Variants in UBE3D observed in about 807,000 individuals in gnomAD.
UBE3D encodes ubiquitin protein ligase E3D.
In UBE3D, 48 loss-of-function variants were observed where a neutral mutation model predicts 49.6. The ratio of observed to expected loss-of-function variants is 0.97; its 90% confidence interval spans 0.77 to 1.23. The LOEUF (loss-of-function observed/expected upper bound fraction) is 1.23, where lower values mean the gene tolerates loss of function less well. UBE3D is among the 50% of genes most tolerant of loss of function. The pLI, the probability that UBE3D is intolerant of heterozygous loss-of-function variation, is 0.00. For missense variants in UBE3D, 452 were observed against 468.4 expected (o/e 0.96, Z 0.32); for synonymous variants, 189 against 174.2 (o/e 1.08, Z -0.67).
chr6:82,901,137 G>A (rs558799153), intron 9 of UBE3D, among the ~76,000 whole-genome samples: 8 of 152,156 alleles, frequency 5.3e-5, no homozygotes, highest in African/African-American at 1.4e-4. Flanking sequence ...GGACAATTCC[G>A]TATAGCTGTT....
chr6:82,917,615 T>C (rs930781872), intron 9 of UBE3D, among the ~76,000 whole-genome samples: 2 of 152,202 alleles, frequency 1.3e-5, no homozygotes, highest in African/African-American at 2.4e-5. Flanking sequence ...GAAGGATTCA[T>C]ATCCAACACT....
At chr6:83,049,413 A>G (rs1783307409) in intron 3 of UBE3D, among the ~76,000 whole-genome samples, 1 of 152,230 alleles carries the variant, frequency 6.6e-6, no homozygotes, top group Non-Finnish European at 1.5e-5. Flanking sequence ...CTTTAATATT[A>G]TTACGTACAT....
At chr6:82,965,172 G>C (rs1776822186) in intron 8 of UBE3D, among the ~76,000 whole-genome samples, 1 of 152,134 alleles carries the variant, frequency 6.6e-6, no homozygotes, top group Admixed American at 6.6e-5. Context: ...ATACCAATAA[G>C]GCAGTCTCAA....
intron 9 of UBE3D, among the ~76,000 whole-genome samples, chr6:82,899,228 A>G (rs1463990323): frequency 2.6e-5 from 4 of 152,134 alleles, no homozygotes; most frequent in African/African-American, 9.7e-5. Context: ...ACCAAACAAA[A>G]CACCAAAAAT....
At chr6:83,002,780 G>T (rs1779723490) in intron 8 of UBE3D, among the ~76,000 whole-genome samples, 1 of 152,212 alleles carries the variant, frequency 6.6e-6, no homozygotes, top group African/African-American at 2.4e-5. Flanking sequence ...GCACCATCTT[G>T]GAAGCAGACA....
intron 8 of UBE3D, among the ~76,000 whole-genome samples, chr6:82,962,115 AG>A (rs1455555768): frequency 6.6e-6 from 1 of 152,092 alleles, no homozygotes; most frequent in Non-Finnish European, 1.5e-5. Flanking sequence ...AAAAAAGATT[AG>A]GGGGCAATAC....
chr6:83,057,369 C>T (rs981021664), intron 2 of UBE3D, among the ~76,000 whole-genome samples: 1 of 74,622 alleles, frequency 1.3e-5, no homozygotes, highest in African/African-American at 5.1e-5. Context: ...TGAGAGCAGA[C>T]ACCTCCCCTA....
At chr6:82,909,603 C>T (rs988208520) in intron 9 of UBE3D, among the ~76,000 whole-genome samples, 1 of 152,158 alleles carries the variant, frequency 6.6e-6, no homozygotes, top group African/African-American at 2.4e-5. Flanking sequence ...TGCTTTCTTT[C>T]CCTTTGTGCA....
chr6:83,018,971 ACTTT>A lies in UBE3D; in HGVS notation c.1008_1010+1del, dbSNP rs1313654576. On this transcript the variant is annotated splice_donor_variant and coding_sequence_variant, in exon 8 of 10. Transcript: ENST00000369747. LOFTEE classifies it high-confidence loss of function. ...GAAAGAGAAAACAAATGCACAACTT[ACTTT>A]TCATTCCTGCTTTTGATGCATGGCT... 8.7e-6 allele frequency: 14 copies of A among 1,612,150 alleles called. No individual in the cohort carries two copies. The highest frequency in any genetic ancestry group is 1.2e-5 in the Non-Finnish European group (14 of 1,179,454).
chr6:83,059,075 A>C (rs1208965466), intron 1 of UBE3D, among the ~76,000 whole-genome samples: 1 of 152,160 alleles, frequency 6.6e-6, no homozygotes, highest in African/African-American at 2.4e-5. Context: ...TTTTTTAAAA[A>C]ACAACCCTTA....
intron 8 of UBE3D, among the ~76,000 whole-genome samples, chr6:82,957,713 T>C (rs906956018): frequency 6.6e-6 from 1 of 152,164 alleles, no homozygotes; most frequent in African/African-American, 2.4e-5. Flanking sequence ...CTTAGTTCTG[T>C]GGGACCTGCT....
chr6:83,048,902 T>G (rs560884302), intron 3 of UBE3D, among the ~76,000 whole-genome samples: 1 of 152,162 alleles, frequency 6.6e-6, no homozygotes, highest in African/African-American at 2.4e-5. Context: ...TTTTCAAGGT[T>G]AGTTTTTAGG....
rs201669450 is a variant in UBE3D at position 83,063,412 on chromosome 6, TAAAAAAAAA to T, written c.77+2221_77+2229del. Among the ~76,000 whole-genome samples, 965 of 45,466 alleles carry T rather than the reference TAAAAAAAAA, an allele frequency of 0.021. 50 individuals are homozygous for T. The East Asian group carries it at 0.24, about 11-fold the overall frequency. 29.8% of individuals were successfully genotyped at this position (45,466 alleles called of 152,430 possible). On this transcript the variant is annotated intron_variant, in intron 1 of 9. Transcript: ENST00000369747. The stretch of plus-strand genomic sequence containing the variant: ...CTGGGCAGTAGAGCAAGACGCTGTC[TAAAAAAAAA>T]AAAAAAAAAAAAAAAAGAAAAGAAA...
chr6:82,908,745 G>C (rs1772284592), intron 9 of UBE3D, among the ~76,000 whole-genome samples: 1 of 152,108 alleles, frequency 6.6e-6, no homozygotes, highest in Admixed American at 6.5e-5. Context: ...CTTGTCAACA[G>C]CTCTCCTTTC....
intron 7 of UBE3D, among the ~76,000 whole-genome samples, chr6:83,020,130 A>T (rs532666165): frequency 6.6e-6 from 1 of 151,966 alleles, no homozygotes; most frequent in South Asian, 2.1e-4. Context: ...CAAATATACA[A>T]ATTCTTATAT....
intron 8 of UBE3D, among the ~76,000 whole-genome samples, chr6:82,961,206 T>G (rs1776524677): frequency 6.6e-6 from 1 of 152,180 alleles, no homozygotes; most frequent in South Asian, 2.1e-4. Flanking sequence ...AAAGGGAAAA[T>G]GGTAAATTAT....
intron 4 of UBE3D, among the ~76,000 whole-genome samples, chr6:83,042,261 G>A (rs1782728566): frequency 6.6e-6 from 1 of 152,126 alleles, no homozygotes; most frequent in South Asian, 2.1e-4. Context: ...CAAGAGAGGT[G>A]ATAAATGAAT....
intron 8 of UBE3D, among the ~76,000 whole-genome samples, chr6:82,979,535 T>C (rs112167374): frequency 1.5e-3 from 225 of 152,248 alleles, no homozygotes; most frequent in Middle Eastern, 6.8e-3. Flanking sequence ...TCCAACAACA[T>C]TTAACACTTT....
intron 9 of UBE3D, among the ~76,000 whole-genome samples, chr6:82,932,849 G>A (rs1447196071): frequency 6.6e-6 from 1 of 152,184 alleles, no homozygotes; most frequent in Admixed American, 6.5e-5. Context: ...TGTGTATGGA[G>A]CATTTTTAGA....
Sources: gnomAD v4.1 joint callset for allele counts (sites outside exome capture counted in the v4.1 genomes callset) on GRCh38, gnomAD v4.1.1 for gene constraint, MANE v1.5 for transcripts, NCBI Gene and HGNC (gene_info 2026-07-23, HGNC 2026-07-21) for gene names.